SERPINB13: variants seen among roughly 807,000 people sequenced by gnomAD.
The protein encoded by SERPINB13 is serpin B13.
A neutral mutation model predicts 31.2 loss-of-function variants in SERPINB13; 26 were observed. That is an observed-to-expected ratio of 0.83 (90% CI 0.61 to 1.15). The LOEUF is 1.15. SERPINB13 is among the 50% of genes most tolerant of loss of function. SERPINB13 has a pLI of 0.00. For missense variants in SERPINB13, 510 were observed against 469.4 expected, an observed-to-expected ratio of 1.09 and a Z score of -0.80; for synonymous variants, 191 against 172.4, an observed-to-expected ratio of 1.11 and a Z score of -0.85.
At chr18:63,591,787 AG>A (rs1313512268) in intron 3 of SERPINB13, among the ~76,000 whole-genome samples, 1 of 152,028 alleles carries the variant, frequency 6.6e-6, no homozygotes, top group African/African-American at 2.4e-5. Flanking sequence ...TATGTCGTTA[AG>A]GTAACATAGA....
chr18:63,590,485 G>A (rs189109523), intron 3 of SERPINB13, among the ~76,000 whole-genome samples: 5 of 152,300 alleles, frequency 3.3e-5, no homozygotes, highest in East Asian at 1.9e-4. Context: ...AGGCTAGGTC[G>A]TGTGGGTGGC....
chr18:63,592,601 T>A (rs1911921466), intron 4 of SERPINB13, 125 bp downstream of exon 4: 3 of 1,002,914 alleles, frequency 3.0e-6, no homozygotes, highest in Middle Eastern at 3.1e-4. Flanking sequence ...TGCTTTTCCA[T>A]CCTGATCTAC....
rs1473400395 is a variant in SERPINB13, at chr18:63,598,666, G to A, written c.*1303G>A. 6.6e-6 allele frequency: 1 copy of A among 152,146 alleles called. No individual in the cohort carries two copies. The highest frequency in any genetic ancestry group is 1.5e-5 in the Non-Finnish European group (1 of 68,020). The allele number at this position is 152,146 out of a possible 1,614,324, so 9.4% of individuals were successfully genotyped here. ...TTATTTCTAGGTTCACCAGTTGAGG[G>A]ACATTTGGATTGTTCCCACTTCTTG... On this transcript the variant is annotated 3_prime_UTR_variant, in exon 8 of 8. Coordinates refer to ENST00000344731, the MANE Select transcript of SERPINB13 (RefSeq NM_012397.4).
chr18:63,595,578 T>C (rs1245373271), intron 7 of SERPINB13, among the ~76,000 whole-genome samples: 1 of 152,110 alleles, frequency 6.6e-6, no homozygotes, highest in Non-Finnish European at 1.5e-5. Flanking sequence ...ACACCATTGA[T>C]TTAGTCTCAT....
At chr18:63,591,700 G>T (rs1311573690) in intron 3 of SERPINB13, among the ~76,000 whole-genome samples, 3 of 151,938 alleles carry the variant, frequency 2.0e-5, no homozygotes, top group African/African-American at 7.2e-5. Flanking sequence ...TATTATTTTT[G>T]CTGAAATATG....
At chr18:63,589,752 T>C in intron 3 of SERPINB13, 37 bp downstream of exon 3, 3 of 1,613,626 alleles carry the variant, frequency 1.9e-6, no homozygotes, top group Non-Finnish European at 2.5e-6. Flanking sequence ...GGTGGGGAGA[T>C]GTGTTTTACA....
chr18:63,589,451 TCACACACACA>T (rs112829867), intron 2 of SERPINB13, among the ~76,000 whole-genome samples, 195 bp from the exon 3 acceptor site: 4 of 111,890 alleles, frequency 3.6e-5, no homozygotes, highest in African/African-American at 1.1e-4. Flanking sequence ...CAAAACTCCA[TCACACACACA>T]CACACACACA....
At chr18:63,589,906 ACCCC>A in intron 3 of SERPINB13, 191 bp downstream of exon 3, 1 of 1,156,112 alleles carries the variant, frequency 8.6e-7, no homozygotes, top group Non-Finnish European at 1.2e-6. Flanking sequence ...AATAATAATA[ACCCC>A]TTAATATTGA....
intron 3 of SERPINB13, among the ~76,000 whole-genome samples, chr18:63,591,616 G>A (rs1238850320): frequency 6.6e-6 from 1 of 151,964 alleles, no homozygotes; most frequent in Non-Finnish European, 1.5e-5. Flanking sequence ...ATCCAGATGT[G>A]CTATAGGTAT....
rs372688280 is a variant in SERPINB13 at position 63,594,351 on chromosome 18, G to T, written c.473-4G>T. On this transcript the variant is annotated splice_region_variant and splice_polypyrimidine_tract_variant and intron_variant, in intron 5 of 7. Coordinates refer to ENST00000344731, the MANE Select transcript of SERPINB13 (RefSeq NM_012397.4). Reference sequence around the variant, plus strand: ...TCAACCTTTTTCTGTTTCTTCATTTGCAGAAAAAATCAAGGACTTGTTCCC... The same window carrying T: ...TCAACCTTTTTCTGTTTCTTCATTTTCAGAAAAAATCAAGGACTTGTTCCC... 1.4e-5 allele frequency: 23 copies of T among 1,612,996 alleles called. No homozygotes were observed. The highest frequency in any genetic ancestry group is 1.9e-5 in the Non-Finnish European group (23 of 1,179,700).
At chr18:63,592,994 A>G (rs1317982737) in intron 5 of SERPINB13, 23 bp downstream of exon 5, 5 of 1,413,450 alleles carry the variant, frequency 3.5e-6, no homozygotes, top group South Asian at 1.2e-5. Context: ...TGGGTCATTC[A>G]TTGCAAAAAA....
At chr18:63,590,221 T>TA (rs1404889939) in intron 3 of SERPINB13, among the ~76,000 whole-genome samples, 1 of 152,174 alleles carries the variant, frequency 6.6e-6, no homozygotes, top group East Asian at 1.9e-4. Context: ...ATGTTGTATT[T>TA]AAAAAATTAT....
chr18:63,588,018 G>C (rs1468560017), intron 1 of SERPINB13, among the ~76,000 whole-genome samples: 1 of 152,214 alleles, frequency 6.6e-6, no homozygotes, highest in Non-Finnish European at 1.5e-5. Flanking sequence ...CATGACCAGA[G>C]ATATGTGGTT....
rs1912282328 is a variant in SERPINB13 at position 63,597,895 on chromosome 18, A to C, written c.*532A>C. 6.5e-6 allele frequency: 1 copy of C among 153,188 alleles called. No individual in the cohort carries two copies. The highest frequency in any genetic ancestry group is 1.5e-5 in the Non-Finnish European group (1 of 68,670). 9.5% of individuals were successfully genotyped at this position (153,188 alleles called of 1,614,324 possible). A position where few individuals can be genotyped will look rare whatever the true frequency, so the allele number is the denominator to read the frequency against. On this transcript the variant is annotated 3_prime_UTR_variant, in exon 8 of 8. Coordinates refer to ENST00000344731, the MANE Select transcript of SERPINB13 (RefSeq NM_012397.4). ...CCAGGACAAAATAAAACAATATACC[A>C]GATGGAGAGGATGCCCGTATTTTCA...
At position 63,589,688 on chromosome 18, in the gene SERPINB13, A is replaced by G. The variant is rs754782862; in HGVS notation, c.198A>G (p.Ser66=). 6.2e-7 allele frequency: 1 copy of G among 1,613,520 alleles called. No individual in the cohort carries two copies. The highest frequency in any genetic ancestry group is 8.5e-7 in the Non-Finnish European group (1 of 1,179,452). ...ACTCTGAAAAAGAGACGAAGAGCTC[A>G]AGAATAAAGGCTGAAGAAAAAGAGG... ...VFHSEKETKS[S]RIKAEEKEVI... The change falls in exon 3 of 8, where the codon TCA becomes TCG. Residue 66 remains serine (S), a synonymous_variant. Transcript: ENST00000344731.
At chr18:63,593,117 G>T (rs1232934840) in intron 5 of SERPINB13, 146 bp downstream of exon 5, 4 of 595,538 alleles carry the variant, frequency 6.7e-6, no homozygotes, top group Non-Finnish European at 1.2e-5. Flanking sequence ...TTTGGGAAGG[G>T]ACTTGAGATA....
At position 63,597,800 on chromosome 18, in the gene SERPINB13, T is replaced by C. The variant is rs1287455764; in HGVS notation, c.*437T>C. 1 of 154,628 alleles carries C rather than the reference T, an allele frequency of 6.5e-6. No homozygotes were observed. Among genetic ancestry groups the C allele is most frequent in the Non-Finnish European group, 1.4e-5 (1 of 69,548 alleles). 9.6% of individuals were successfully genotyped at this position (154,628 alleles called of 1,614,324 possible). A position where few individuals can be genotyped will look rare whatever the true frequency, so the allele number is the denominator to read the frequency against. ...TCATGTTACTATTCCCCAACAGATA[T>C]TGTGGCAAATCACACATAGGAAAGA... is the stretch of plus-strand genomic sequence containing the variant. On this transcript the variant is annotated 3_prime_UTR_variant, in exon 8 of 8. Transcript: ENST00000344731.
chr18:63,594,175 A>T (rs907100000), intron 5 of SERPINB13, 180 bp from the exon 6 acceptor site: 13 of 1,512,584 alleles, frequency 8.6e-6, no homozygotes, highest in Non-Finnish European at 1.2e-5. Context: ...TAAATAGGCG[A>T]TGGGCAAAAT....
At chr18:63,592,085 C>T (rs1911886336) in intron 3 of SERPINB13, among the ~76,000 whole-genome samples, 1 of 152,086 alleles carries the variant, frequency 6.6e-6, no homozygotes, top group Admixed American at 6.6e-5. Flanking sequence ...ACCAAAAAAG[C>T]CCACAACTTG....
Sources: allele counts gnomAD v4.1 joint callset (sites outside exome capture counted in the v4.1 genomes callset), GRCh38; gene constraint gnomAD v4.1.1; transcripts MANE v1.5; gene names NCBI Gene and HGNC (gene_info 2026-07-23, HGNC 2026-07-21).